CORO2B: variants seen among roughly 807,000 people sequenced by gnomAD.
CORO2B encodes coronin-2B.
Under a neutral mutation model 58.8 loss-of-function variants are expected in CORO2B, and 26 were observed. The ratio of observed to expected loss-of-function variants is 0.44; its 90% CI spans 0.32 to 0.61. The LOEUF is 0.61. Among genes scored for constraint, CORO2B ranks in the 20% least tolerant of loss-of-function variants. CORO2B has a pLI of 0.04. For synonymous variants in CORO2B, 242 were observed against 253.8 expected (o/e 0.95, Z 0.44); for missense variants, 460 against 645.1 (o/e 0.71, Z 3.11).
intron 1 of CORO2B, among the ~76,000 whole-genome samples, chr15:68,585,128 T>A (rs1899519500): frequency 6.6e-6 from 1 of 152,218 alleles, no homozygotes; most frequent in Non-Finnish European, 1.5e-5. Context: ...TCAGGCTGTC[T>A]TTCGTACAGA....
intron 5 of CORO2B, among the ~76,000 whole-genome samples, chr15:68,712,105 G>T (rs554095406): frequency 6.6e-6 from 1 of 152,208 alleles, no homozygotes; most frequent in Non-Finnish European, 1.5e-5. Context: ...TGGCTAGGGT[G>T]CCAAGGCTGA....
intron 1 of CORO2B, among the ~76,000 whole-genome samples, chr15:68,598,646 C>T (rs1017318311): frequency 2.0e-5 from 3 of 152,182 alleles, no homozygotes; most frequent in Non-Finnish European, 2.9e-5. Flanking sequence ...TCTGCAGCAG[C>T]GTACTCTCCC....
intron 2 of CORO2B, among the ~76,000 whole-genome samples, chr15:68,683,515 C>CT (rs921828784): frequency 2.0e-5 from 3 of 152,084 alleles, no homozygotes; most frequent in Non-Finnish European, 4.4e-5. Flanking sequence ...TGTCATGTAA[C>CT]TTTTTTTTGC....
the CORO2B span, among the ~76,000 whole-genome samples, chr15:68,562,938 C>T: frequency 6.7e-6 from 1 of 148,296 alleles, no homozygotes; most frequent in African/African-American, 2.5e-5. Flanking sequence ...GATCATGCCA[C>T]TGCACTCCAG....
At chr15:68,613,618 A>G (rs1900288581) in intron 1 of CORO2B, among the ~76,000 whole-genome samples, 1 of 152,212 alleles carries the variant, frequency 6.6e-6, no homozygotes, top group Non-Finnish European at 1.5e-5. Flanking sequence ...ATTTTAATAT[A>G]CAACCAGAAG....
chr15:68,647,745 C>T (rs1327835649), intron 2 of CORO2B, among the ~76,000 whole-genome samples: 10 of 150,428 alleles, frequency 6.6e-5, no homozygotes, highest in African/African-American at 2.4e-4. Context: ...CCGTGGCTCA[C>T]GCCTGTAATC....
At chr15:68,724,490 G>A (rs1039121750) in intron 11 of CORO2B, among the ~76,000 whole-genome samples, 1 of 152,106 alleles carries the variant, frequency 6.6e-6, no homozygotes, top group African/African-American at 2.4e-5. Flanking sequence ...ATCCTCTGTA[G>A]TGTGTCGGTT....
the CORO2B span, among the ~76,000 whole-genome samples, chr15:68,572,699 T>C: frequency 6.6e-6 from 1 of 152,088 alleles, no homozygotes; most frequent in South Asian, 2.1e-4. Context: ...CTGAGGCTGG[T>C]TTGGGGCCCA....
At chr15:68,626,551 G>C (rs1018697054) in intron 1 of CORO2B, among the ~76,000 whole-genome samples, 2 of 152,156 alleles carry the variant, frequency 1.3e-5, no homozygotes, top group Non-Finnish European at 2.9e-5. Context: ...GAGAAGCCAG[G>C]GGCTTGGCTG....
chr15:68,703,502 G>T (rs897665347), intron 3 of CORO2B, among the ~76,000 whole-genome samples: 10 of 152,104 alleles, frequency 6.6e-5, no homozygotes, highest in Non-Finnish European at 1.3e-4. Context: ...CCCCAAAACA[G>T]ATTTGTTTGT....
At position 68,643,804 on chromosome 15, in the gene CORO2B, G is replaced by A. The variant is rs183353353; in HGVS notation, c.16-1356G>A. On this transcript the variant is annotated intron_variant, in intron 1 of 11. Transcript: ENST00000261861. Reference sequence around the variant, plus strand: ...TGTAATCCCAGCGCTTTGGGAGGCCGAGTCAGATGGATCACCTGAGGTCAG... The same window carrying A: ...TGTAATCCCAGCGCTTTGGGAGGCCAAGTCAGATGGATCACCTGAGGTCAG... Among the ~76,000 whole-genome samples the A allele has an allele frequency of 6.5e-3, 986 of 152,250 alleles. 9 individuals are homozygous for A. Among genetic ancestry groups the A allele is most frequent in the Non-Finnish European group, 0.011 (766 of 68,010 alleles).
chr15:68,637,439 G>A (rs1901066342), intron 1 of CORO2B, among the ~76,000 whole-genome samples: 1 of 152,218 alleles, frequency 6.6e-6, no homozygotes, highest in African/African-American at 2.4e-5. Context: ...CTTTGGATGA[G>A]ATGGAGCAGT....
chr15:68,682,888 A>G (rs2140303706), intron 2 of CORO2B, among the ~76,000 whole-genome samples: 1 of 152,242 alleles, frequency 6.6e-6, no homozygotes, highest in Admixed American at 6.5e-5. Context: ...GTTTCCTTTC[A>G]CACTACAGGA....
At chr15:68,553,010 C>T in the CORO2B span, among the ~76,000 whole-genome samples, 1 of 152,198 alleles carries the variant, frequency 6.6e-6, no homozygotes, top group East Asian at 1.9e-4. Context: ...GCTTATATTC[C>T]AGGCACCACG....
chr15:68,602,893 T>G (rs1187222837), intron 1 of CORO2B, among the ~76,000 whole-genome samples: 2 of 152,224 alleles, frequency 1.3e-5, no homozygotes, highest in African/African-American at 4.8e-5. Flanking sequence ...CAAGCACACG[T>G]GTTTCCCTGG....
intron 2 of CORO2B, among the ~76,000 whole-genome samples, chr15:68,669,762 A>C (rs912880903): frequency 9.2e-5 from 14 of 151,914 alleles, no homozygotes; most frequent in African/African-American, 3.1e-4. Flanking sequence ...ACCAAATAAG[A>C]AAAAATAAAT....
the CORO2B span, among the ~76,000 whole-genome samples, chr15:68,571,491 T>A: frequency 6.6e-6 from 1 of 152,356 alleles, no homozygotes; most frequent in Non-Finnish European, 1.5e-5. Context: ...CAAGAAAAGA[T>A]AATTCTTGGA....
intron 1 of CORO2B, among the ~76,000 whole-genome samples, chr15:68,627,392 G>A (rs576279180): frequency 6.6e-6 from 1 of 152,318 alleles, no homozygotes; most frequent in Admixed American, 6.5e-5. Context: ...TCAAGTGCAG[G>A]TGGGTCCCCA....
At chr15:68,649,989 G>A (rs548142281) in intron 2 of CORO2B, among the ~76,000 whole-genome samples, 1 of 152,300 alleles carries the variant, frequency 6.6e-6, no homozygotes, top group African/African-American at 2.4e-5. Context: ...GAGGTCCCCA[G>A]ACCATACACT....
Sources: gnomAD v4.1 joint callset for allele counts (sites outside exome capture counted in the v4.1 genomes callset) on GRCh38, gnomAD v4.1.1 for gene constraint, MANE v1.5 for transcripts, NCBI Gene and HGNC (gene_info 2026-07-23, HGNC 2026-07-21) for gene names.